RALYL: variants seen among roughly 807,000 people sequenced by gnomAD.
RALYL encodes RALY RNA binding protein like, also known as RNA-binding Raly-like protein.
A neutral mutation model predicts 35.1 loss-of-function variants in RALYL; 29 were observed. That is an observed-to-expected ratio of 0.83 (90% CI 0.61 to 1.13). The LOEUF is 1.13. Ranked by LOEUF, RALYL falls within the 50% of genes most tolerant of loss-of-function variation. The probability of loss-of-function intolerance (pLI) is 0.00; values close to 1 mark genes in which losing one functional copy is unlikely to be tolerated. For missense variants in RALYL, 359 were observed against 360.4 expected (o/e 1.00, Z 0.03); for synonymous variants, 120 against 127.6 (o/e 0.94, Z 0.40).
chr8:84,545,779 T>G (rs1274999112), intron 2 of RALYL, among the ~76,000 whole-genome samples: 1 of 152,198 alleles, frequency 6.6e-6, no homozygotes, highest in Non-Finnish European at 1.5e-5. Flanking sequence ...GGGAGTAATA[T>G]TATAATGACA....
chr8:84,573,249 C>T lies in RALYL; in HGVS notation c.256+43672C>T, dbSNP rs560707004. 4.0e-4 allele frequency among the ~76,000 whole-genome samples: 60 copies of T among 151,502 alleles called. No individual in the cohort carries two copies. In the South Asian group the frequency reaches 0.012, roughly 31 times the overall value. On this transcript the variant is annotated intron_variant, in intron 2 of 8. Coordinates refer to ENST00000521268, the MANE Select transcript of RALYL (RefSeq NM_173848.7). ...ATTTCCTTCTAGGGTTCTTTTCTTT[C>T]CATCTGAAAAACACCTTGCAGATCT...
chr8:84,461,854 G>T (rs552624983), intron 1 of RALYL, among the ~76,000 whole-genome samples: 1 of 151,462 alleles, frequency 6.6e-6, no homozygotes, highest in East Asian at 1.9e-4. Flanking sequence ...TTAACATCTT[G>T]CATTTAGAGT....
chr8:84,301,967 G>A (rs997310984), intron 1 of RALYL, among the ~76,000 whole-genome samples: 1 of 152,044 alleles, frequency 6.6e-6, no homozygotes, highest in Non-Finnish European at 1.5e-5. Context: ...AATTTAAAAA[G>A]TCATAGTTTG....
chr8:84,525,953 C>CTTTTTTTTTTTTTTTTTT (rs35794329), intron 1 of RALYL, among the ~76,000 whole-genome samples: 15 of 104,844 alleles, frequency 1.4e-4, no homozygotes, highest in African/African-American at 3.8e-4. Flanking sequence ...TTTCTTTTTT[C>CTTTTTTTTTTTTTTTTTT]TTTTTTTTTT....
intron 1 of RALYL, among the ~76,000 whole-genome samples, chr8:84,201,111 G>A (rs1308081098): frequency 4.6e-5 from 7 of 152,116 alleles, no homozygotes; most frequent in Non-Finnish European, 1.5e-5. Context: ...TAAATCAGAG[G>A]ATTAACCTTC....
chr8:84,916,214 T>C (rs1289015729), intron 8 of RALYL, among the ~76,000 whole-genome samples: 1 of 152,166 alleles, frequency 6.6e-6, no homozygotes, highest in Admixed American at 6.5e-5. Context: ...ACTGTCAAAC[T>C]TTTGCATCAT....
intron 1 of RALYL, among the ~76,000 whole-genome samples, chr8:84,217,906 A>G (rs921401769): frequency 5.3e-5 from 8 of 152,120 alleles, no homozygotes; most frequent in Non-Finnish European, 1.0e-4. Flanking sequence ...TTTTTTAAAA[A>G]CATACATGTG....
intron 2 of RALYL, among the ~76,000 whole-genome samples, chr8:84,773,092 G>A (rs1279470439): frequency 6.6e-6 from 1 of 151,946 alleles, no homozygotes; most frequent in Non-Finnish European, 1.5e-5. Context: ...TTTAACCTGG[G>A]CATAGTGACC....
At chr8:84,419,871 T>G (rs569902252) in intron 1 of RALYL, among the ~76,000 whole-genome samples, 1,875 of 150,402 alleles carry the variant, frequency 0.012, 27 homozygotes, top group African/African-American at 0.04. Flanking sequence ...CAAAGGACAT[T>G]AACTCATCAT....
At chr8:84,185,133 T>C in intron 1 of RALYL, 1 of 1,001,216 alleles carries the variant, frequency 1.0e-6, no homozygotes, top group Non-Finnish European at 1.6e-6. Context: ...GCTGGTGTCG[T>C]CTTCCAGGGG....
chr8:84,465,214 C>A (rs1392692809), intron 1 of RALYL, among the ~76,000 whole-genome samples: 8 of 131,720 alleles, frequency 6.1e-5, no homozygotes, highest in Admixed American at 1.6e-4. Context: ...GAAGTCCTTG[C>A]CCATGCCTAT....
At chr8:84,282,945 C>A (rs562848879) in intron 1 of RALYL, among the ~76,000 whole-genome samples, 1 of 151,968 alleles carries the variant, frequency 6.6e-6, no homozygotes, top group African/African-American at 2.4e-5. Flanking sequence ...ACAAGTAGGA[C>A]ACTGCTCCTC....
intron 2 of RALYL, among the ~76,000 whole-genome samples, chr8:84,542,151 G>A (rs376774040): frequency 1.1e-4 from 17 of 151,856 alleles, no homozygotes; most frequent in East Asian, 5.8e-4. Context: ...TTGTTTTGCC[G>A]TTTCCACTCT....
chr8:84,220,836 C>CTTTA (rs1413279625), intron 1 of RALYL, among the ~76,000 whole-genome samples: 10 of 151,870 alleles, frequency 6.6e-5, no homozygotes, highest in African/African-American at 2.4e-4. Context: ...TGTTCATTTC[C>CTTTA]TTTACTTCGT....
chr8:84,840,805 C>A (rs1023582204), intron 4 of RALYL, among the ~76,000 whole-genome samples: 2 of 152,116 alleles, frequency 1.3e-5, no homozygotes, highest in Non-Finnish European at 2.9e-5. Flanking sequence ...AGAGTGGGGG[C>A]CAATATTCAA....
At chr8:84,653,242 A>G (rs546701797) in intron 2 of RALYL, among the ~76,000 whole-genome samples, 3 of 152,244 alleles carry the variant, frequency 2.0e-5, no homozygotes, top group African/African-American at 7.2e-5. Flanking sequence ...TAAAAAACCA[A>G]TATTCAACAA....
chr8:84,459,021 C>A (rs1040535375), intron 1 of RALYL, among the ~76,000 whole-genome samples: 7 of 151,544 alleles, frequency 4.6e-5, no homozygotes, highest in Non-Finnish European at 8.9e-5. Context: ...AAAATTAAAG[C>A]ATTTGTTACT....
rs1316850557 is a variant in RALYL, at chr8:84,850,111, A to G, written c.413+84A>G. 7.7e-6 allele frequency: 5 copies of G among 648,568 alleles called. No homozygotes were observed. The East Asian group carries it at 1.3e-4, about 17-fold the overall frequency. The allele number at this position is 648,568 out of a possible 1,614,324, so 40.2% of individuals were successfully genotyped here. ...TACATTTTATTCATGGGTGCTCTTA[A>G]TTATGGTATTTAAAACAATATTATT... On this transcript the variant is annotated intron_variant, in intron 5 of 8. Transcript: ENST00000521268.
chr8:84,428,924 T>C (rs966956784), intron 1 of RALYL, among the ~76,000 whole-genome samples: 2 of 152,148 alleles, frequency 1.3e-5, no homozygotes, highest in Non-Finnish European at 2.9e-5. Context: ...AAATACTATT[T>C]CAAGGGGAAA....
Sources: gnomAD v4.1 joint callset for allele counts (sites outside exome capture counted in the v4.1 genomes callset) on GRCh38, gnomAD v4.1.1 for gene constraint, MANE v1.5 for transcripts, NCBI Gene and HGNC (gene_info 2026-07-23, HGNC 2026-07-21) for gene names.